Variants in SOX5 observed in about 807,000 individuals in gnomAD.
SOX5 encodes the protein transcription factor SOX-5.
Under a neutral mutation model 92.0 loss-of-function variants are expected in SOX5, and 9 were observed. That is an observed-to-expected ratio of 0.10 (90% CI 0.06 to 0.17). SOX5 has a LOEUF of 0.17. Among genes scored for constraint, SOX5 ranks in the 10% least tolerant of loss-of-function variants. SOX5 has a pLI of 1.00. For missense variants in SOX5, 642 were observed against 944.5 expected (o/e 0.68, Z 4.20); for synonymous variants, 344 against 336.3 (o/e 1.02, Z -0.25).
chr12:24,546,051 G>A (rs187476178), intron 1 of SOX5, among the ~76,000 whole-genome samples: 1 of 152,288 alleles, frequency 6.6e-6, no homozygotes, highest in Non-Finnish European at 1.5e-5. Context: ...AGGTCTCCGG[G>A]AAACTCTGAC....
chr12:23,939,926 A>G (rs148481394), intron 1 of SOX5, among the ~76,000 whole-genome samples: 12 of 151,120 alleles, frequency 7.9e-5, no homozygotes, highest in Admixed American at 4.0e-4. Flanking sequence ...TTTGGACTAC[A>G]TGTTTGTAAT....
At chr12:23,815,758 C>T (rs529038152) in intron 3 of SOX5, among the ~76,000 whole-genome samples, 1 of 152,218 alleles carries the variant, frequency 6.6e-6, no homozygotes, top group South Asian at 2.1e-4. Context: ...GCTTATTCAA[C>T]CATTTAATTA....
intron 2 of SOX5, among the ~76,000 whole-genome samples, chr12:23,860,484 C>T (rs1298717928): frequency 6.6e-6 from 1 of 152,020 alleles, no homozygotes; most frequent in Admixed American, 6.6e-5. Context: ...TGTTAGCAAA[C>T]AGAGATAATG....
At chr12:23,907,336 T>C (rs1171868853) in intron 1 of SOX5, among the ~76,000 whole-genome samples, 1 of 152,176 alleles carries the variant, frequency 6.6e-6, no homozygotes, top group African/African-American at 2.4e-5. Flanking sequence ...TTTCTTTTTT[T>C]TATGGAACCC....
chr12:23,616,203 C>T (rs2076535487), intron 8 of SOX5, among the ~76,000 whole-genome samples: 1 of 152,188 alleles, frequency 6.6e-6, no homozygotes, highest in African/African-American at 2.4e-5. Context: ...GAAGAGTAGA[C>T]AGGGCTGACA....
intron 8 of SOX5, among the ~76,000 whole-genome samples, chr12:23,627,765 T>C (rs1362566378): frequency 6.6e-6 from 1 of 152,096 alleles, no homozygotes; most frequent in Non-Finnish European, 1.5e-5. Context: ...AACCTACCAT[T>C]TAAATATTAT....
chr12:23,598,508 C>G (rs529624556), intron 9 of SOX5, among the ~76,000 whole-genome samples: 1 of 147,380 alleles, frequency 6.8e-6, no homozygotes, highest in South Asian at 2.2e-4. Context: ...ATGCTATTCT[C>G]CTGCCTCAGC....
intron 4 of SOX5, among the ~76,000 whole-genome samples, chr12:24,176,977 GTTTTTT>G (rs11295163): frequency 3.7e-5 from 5 of 135,102 alleles, no homozygotes; most frequent in Non-Finnish European, 6.4e-5. Context: ...TTTGTTTTTT[GTTTTTT>G]TTTTTTTTTT....
intron 2 of SOX5, among the ~76,000 whole-genome samples, chr12:24,330,547 T>C (rs1055381137): frequency 6.6e-6 from 1 of 152,154 alleles, no homozygotes; most frequent in East Asian, 1.9e-4. Flanking sequence ...TCAATAATAG[T>C]GTGGCCATGA....
At chr12:23,758,827 A>G (rs2094480530) in intron 3 of SOX5, among the ~76,000 whole-genome samples, 1 of 151,970 alleles carries the variant, frequency 6.6e-6, no homozygotes, top group African/African-American at 2.4e-5. Context: ...TACAAGTTCC[A>G]TCTGTCTCTC....
chr12:23,767,621 G>A (rs1451724571), intron 3 of SOX5, among the ~76,000 whole-genome samples: 2 of 151,974 alleles, frequency 1.3e-5, no homozygotes, highest in Non-Finnish European at 2.9e-5. Flanking sequence ...CATTTTGAAT[G>A]GTTATTCTTT....
intron 4 of SOX5, among the ~76,000 whole-genome samples, chr12:24,122,282 A>G (rs1788052560): frequency 6.6e-6 from 1 of 152,216 alleles, no homozygotes; most frequent in African/African-American, 2.4e-5. Flanking sequence ...CAATAAAAGT[A>G]ATGGCTGCCA....
At chr12:23,964,031 C>G (rs1418481007) in intron 4 of SOX5, among the ~76,000 whole-genome samples, 1 of 151,742 alleles carries the variant, frequency 6.6e-6, no homozygotes, top group African/African-American at 2.4e-5. Context: ...AAATATTACA[C>G]TAAAAAATAG....
chr12:23,970,842 T>TATATATATATATATATATATATATATA (rs1234524602), intron 4 of SOX5, among the ~76,000 whole-genome samples: 1 of 5,962 alleles, frequency 1.7e-4, no homozygotes, highest in Admixed American at 3.5e-3. Flanking sequence ...ATATATATAA[T>TATATATATATATATATATATATATATA]TTTTTTTTTT....
At chr12:23,640,337 G>T (rs976437907) in intron 8 of SOX5, among the ~76,000 whole-genome samples, 2 of 152,078 alleles carry the variant, frequency 1.3e-5, no homozygotes, top group Admixed American at 6.6e-5. Context: ...AGCTTATTTG[G>T]TCTACTTTTC....
chr12:23,859,633 T>C (rs949371319), intron 2 of SOX5, among the ~76,000 whole-genome samples: 9 of 152,196 alleles, frequency 5.9e-5, no homozygotes, highest in African/African-American at 2.2e-4. Flanking sequence ...ATGTGATCCC[T>C]GTGACCTACT....
At chr12:24,446,895 C>A (rs893915406) in intron 1 of SOX5, among the ~76,000 whole-genome samples, 1 of 152,032 alleles carries the variant, frequency 6.6e-6, no homozygotes. Flanking sequence ...ATCAGTGGGA[C>A]GCAGAAGCCA....
At chr12:24,195,383 C>A (rs10842292) in intron 4 of SOX5, among the ~76,000 whole-genome samples, 34,229 of 151,974 alleles carry the variant, frequency 0.23, 4,601 homozygotes, top group African/African-American at 0.38. Context: ...CAATTTCAAC[C>A]TACAAACTAC....
At chr12:23,800,546 CTTTAAAA>C (rs1357734538) in intron 3 of SOX5, among the ~76,000 whole-genome samples, 1 of 151,224 alleles carries the variant, frequency 6.6e-6, no homozygotes, top group Admixed American at 6.6e-5. Flanking sequence ...AGGTATCACT[CTTTAAAA>C]TTTAAAAAAA....
Sources: allele counts gnomAD v4.1 joint callset (sites outside exome capture counted in the v4.1 genomes callset), GRCh38; gene constraint gnomAD v4.1.1; transcripts MANE v1.5; gene names NCBI Gene and HGNC (gene_info 2026-07-23, HGNC 2026-07-21).